INTS2: variants seen among roughly 807,000 people sequenced by gnomAD.
The protein encoded by INTS2 is integrator complex subunit 2.
In INTS2, 57 loss-of-function variants were observed where a neutral mutation model predicts 139.6. That is an observed-to-expected ratio of 0.41 (90% CI 0.33 to 0.51). INTS2 has a LOEUF of 0.51. Among genes scored for constraint, INTS2 ranks in the 20% least tolerant of loss-of-function variants. The pLI, the probability that INTS2 is intolerant of heterozygous loss-of-function variation, is 0.28. For synonymous variants in INTS2, 473 were observed against 493.4 expected, an observed-to-expected ratio of 0.96 and a Z score of 0.55; for missense variants, 1,196 against 1,436.7, an observed-to-expected ratio of 0.83 and a Z score of 2.71.
Position 61,869,425 on chromosome 17 carries a change from A to T in INTS2, c.3031-45T>A. 3 of 1,250,758 alleles carry T rather than the reference A, an allele frequency of 2.4e-6. No homozygotes were observed. The highest frequency in any genetic ancestry group is 3.4e-6 in the Non-Finnish European group (3 of 882,242). The allele number at this position is 1,250,758 out of a possible 1,614,324, so 77.5% of individuals were successfully genotyped here. ...GAAAAAAGTCAGAAATAAAATAACT[A>T]TAAAAGTACAGATAAAAATACAAAT... is the stretch of plus-strand genomic sequence containing the variant. On this transcript the variant is annotated intron_variant, in intron 21 of 24. Coordinates refer to ENST00000251334, the MANE Select transcript of INTS2 (RefSeq NM_001351695.2). This position sits in a 1 kb window ranked among gnomAD's most constrained non-coding sequence, Gnocchi z 5.4.
chr17:61,869,622 G>T lies in INTS2; in HGVS notation c.3030+115C>A. ...CTGGATTTTTCTCCATATTGCAAAA[G>T]CCCATGGATCATTTGTGTTTTCTCT... On this transcript the variant is annotated intron_variant, in intron 21 of 24. Transcript: ENST00000251334. This position sits in a 1 kb window ranked among gnomAD's most constrained non-coding sequence, Gnocchi z 5.4. 2 of 1,244,492 alleles carry T rather than the reference G, an allele frequency of 1.6e-6. No homozygotes were observed. The highest frequency in any genetic ancestry group is 2.3e-5 in the Admixed American group (1 of 42,780). The allele number at this position is 1,244,492 out of a possible 1,614,324, so 77.1% of individuals were successfully genotyped here. A position where few individuals can be genotyped will look rare whatever the true frequency, so the allele number is the denominator to read the frequency against.
At chr17:61,895,674 A>T (rs2079339993) in intron 11 of INTS2, among the ~76,000 whole-genome samples, 1 of 152,180 alleles carries the variant, frequency 6.6e-6, no homozygotes, top group Non-Finnish European at 1.5e-5. Flanking sequence ...AGGCCAAGAG[A>T]AATATGTGTG....
At chr17:61,884,519 A>G (rs2079207096) in intron 16 of INTS2, among the ~76,000 whole-genome samples, 1 of 151,960 alleles carries the variant, frequency 6.6e-6, no homozygotes, top group Admixed American at 6.6e-5. Flanking sequence ...AAACAAACAA[A>G]AGAGGTAGTG....
rs1409123990 is a variant in INTS2 at position 61,865,470 on chromosome 17, C to A, written c.*2087G>T. The A allele has an allele frequency of 6.6e-6, 1 of 152,574 alleles. No individual in the cohort carries two copies. Among genetic ancestry groups the A allele is most frequent in the Non-Finnish European group, 1.5e-5 (1 of 68,024 alleles). 9.5% of individuals were successfully genotyped at this position (152,574 alleles called of 1,614,324 possible). A position where few individuals can be genotyped will look rare whatever the true frequency, so the allele number is the denominator to read the frequency against. Reference sequence around the variant, plus strand: ...AAACACATTGTGACAAATTTTATAACCTTAACTTAAAATACATGAATATTA... The same window carrying A: ...AAACACATTGTGACAAATTTTATAAACTTAACTTAAAATACATGAATATTA... On this transcript the variant is annotated 3_prime_UTR_variant, in exon 25 of 25. Transcript: ENST00000251334. The surrounding 1 kb of genome is among the most constrained non-coding windows in gnomAD (Gnocchi z 4.8).
In INTS2 at chr17:61,882,760, T is replaced by C. The variant is rs2079188724; in HGVS notation, c.2090-1589A>G. On this transcript the variant is annotated intron_variant, in intron 16 of 24. Transcript: ENST00000251334. This position sits in a 1 kb window ranked among gnomAD's most constrained non-coding sequence, Gnocchi z 4.7. ...AATTATGACACCATAAAAATGCCTA[T>C]TTAGTTAATGAATTAACGAAGTACT... is the stretch of plus-strand genomic sequence containing the variant. 6.6e-6 allele frequency among the ~76,000 whole-genome samples: 1 copy of C among 152,182 alleles called. No homozygotes were observed. The highest frequency in any genetic ancestry group is 1.5e-5 in the Non-Finnish European group (1 of 68,040).
intron 17 of INTS2, among the ~76,000 whole-genome samples, chr17:61,878,931 C>CCAAAAA (rs1555621233): frequency 2.1e-5 from 1 of 46,656 alleles, no homozygotes; most frequent in African/African-American, 1.0e-4. Flanking sequence ...ACCCTGTCTC[C>CCAAAAA]AAAAAAAAAA....
rs1378417177 is a variant in INTS2 at position 61,876,787 on chromosome 17, G to A, written c.2456+1100C>T. Among the ~76,000 whole-genome samples the A allele has an allele frequency of 6.6e-6, 1 of 152,056 alleles. No individual in the cohort carries two copies. Among genetic ancestry groups the A allele is most frequent in the South Asian group, 2.1e-4 (1 of 4,824 alleles). On this transcript the variant is annotated intron_variant, in intron 18 of 24. Coordinates refer to ENST00000251334, the MANE Select transcript of INTS2 (RefSeq NM_001351695.2). The surrounding 1 kb of genome is among the most constrained non-coding windows in gnomAD (Gnocchi z 4.1). ...ATTATCTGATGTGTTATGATTAAGT[G>A]TGAAGTAAATTTCCCCTCAATAATG...
In INTS2 at chr17:61,868,653, T is replaced by C. The variant is rs1755142789; in HGVS notation, c.3244+381A>G. 6.6e-6 allele frequency among the ~76,000 whole-genome samples: 1 copy of C among 152,204 alleles called. No homozygotes were observed. Among genetic ancestry groups the C allele is most frequent in the South Asian group, 2.1e-4 (1 of 4,838 alleles). ...ATTTATCTTTCATTTATACATATGA[T>C]GATATTTTTCTGGAACTCTGAGCAT... On this transcript the variant is annotated intron_variant, in intron 23 of 24. Transcript: ENST00000251334. This position sits in a 1 kb window ranked among gnomAD's most constrained non-coding sequence, Gnocchi z 4.7.
intron 5 of INTS2, among the ~76,000 whole-genome samples, chr17:61,916,504 C>T (rs1156771219): frequency 6.6e-6 from 1 of 152,130 alleles, no homozygotes; most frequent in African/African-American, 2.4e-5. Flanking sequence ...CACACACCTA[C>T]AATCATCTGA....
chr17:61,924,825 G>A (rs573760100), intron 3 of INTS2, 136 bp downstream of exon 3: 18 of 805,988 alleles, frequency 2.2e-5, no homozygotes, highest in East Asian at 5.4e-5. Flanking sequence ...ATGAAACTCC[G>A]TCTCCAAAAA....
chr17:61,881,186 G>A lies in INTS2; in HGVS notation c.2090-15C>T. 6.2e-7 allele frequency: 1 copy of A among 1,602,094 alleles called. No individual in the cohort carries two copies. Among genetic ancestry groups the A allele is most frequent in the Non-Finnish European group, 8.5e-7 (1 of 1,173,382 alleles). ...TGAATGCAACCCTTGAAAATTTACA[G>A]AAAATCAATTGGATTCTTCATGCTC... is the stretch of plus-strand genomic sequence containing the variant. On this transcript the variant is annotated splice_polypyrimidine_tract_variant and intron_variant, in intron 16 of 24. Coordinates refer to ENST00000251334, the MANE Select transcript of INTS2 (RefSeq NM_001351695.2).
In INTS2 at chr17:61,875,978, G is replaced by A. The variant is rs1330358269; in HGVS notation, c.2457-940C>T. Among the ~76,000 whole-genome samples, 2 of 151,746 alleles carry A rather than the reference G, an allele frequency of 1.3e-5. No individual in the cohort carries two copies. The highest frequency in any genetic ancestry group is 2.9e-5 in the Non-Finnish European group (2 of 67,964). ...GAGCCCAGGAGTTCAAGACTAGCCT[G>A]GGCAGCATAGTGAGACACCATCTCT... On this transcript the variant is annotated intron_variant, in intron 18 of 24. Transcript: ENST00000251334. This position sits in a 1 kb window ranked among gnomAD's most constrained non-coding sequence, Gnocchi z 4.6.
chr17:61,914,660 G>A (rs1462526070), intron 5 of INTS2, among the ~76,000 whole-genome samples: 4 of 144,718 alleles, frequency 2.8e-5, no homozygotes, highest in South Asian at 2.1e-4. Context: ...CCGAGATTGC[G>A]CCACTGCATT....
At chr17:61,889,695 T>C (rs566743708) in intron 15 of INTS2, 91 bp downstream of exon 15, 12 of 627,182 alleles carry the variant, frequency 1.9e-5, no homozygotes, top group South Asian at 1.7e-4. Flanking sequence ...TATTAAAATA[T>C]TGCCCTTATC....
In INTS2 at chr17:61,876,846, T is replaced by C. The variant is rs1319744754; in HGVS notation, c.2456+1041A>G. Among the ~76,000 whole-genome samples, 1 of 152,156 alleles carries C rather than the reference T, an allele frequency of 6.6e-6. No individual in the cohort carries two copies. Among genetic ancestry groups the C allele is most frequent in the Non-Finnish European group, 1.5e-5 (1 of 68,030 alleles). On this transcript the variant is annotated intron_variant, in intron 18 of 24. Transcript: ENST00000251334. This position sits in a 1 kb window ranked among gnomAD's most constrained non-coding sequence, Gnocchi z 4.1. ...GGATGAATTAGTTATTGGTTATTGA[T>C]ACCAATTTAAAAAACTGAGCAAATA...
Position 61,881,073 on chromosome 17 carries a change from C to A in INTS2, c.2188G>T (p.Ala730Ser). The change falls in exon 17 of 25, where the codon GCC becomes TCC. Residue 730 changes from alanine (A) to serine (S), a missense_variant. Transcript: ENST00000251334. The part of the protein sequence containing the change: ...ICEEEITGTD[A>S]LLRRMLLTNN... ...GTCAGGAGCATTCGCCGTAGCAGGGCATCAGTCCCTGTGATTTCTTCTTCA... is the reference window on the plus strand; with the variant it reads ...GTCAGGAGCATTCGCCGTAGCAGGGAATCAGTCCCTGTGATTTCTTCTTCA... 1 of 1,613,650 alleles carries A rather than the reference C, an allele frequency of 6.2e-7. No individual in the cohort carries two copies. Among genetic ancestry groups the A allele is most frequent in the Non-Finnish European group, 8.5e-7 (1 of 1,179,570 alleles).
chr17:61,891,016 A>G (rs1490299229), intron 14 of INTS2, among the ~76,000 whole-genome samples: 1 of 140,490 alleles, frequency 7.1e-6, no homozygotes, highest in East Asian at 2.2e-4. Context: ...AAAAAAGGCC[A>G]GGCACAGTGA....
At chr17:61,905,036 T>G (rs1167904586) in intron 8 of INTS2, among the ~76,000 whole-genome samples, 1 of 151,776 alleles carries the variant, frequency 6.6e-6, no homozygotes, top group Non-Finnish European at 1.5e-5. Flanking sequence ...AGCTTTGACC[T>G]TCCAGGCTCA....
intron 16 of INTS2, 43 bp downstream of exon 16, chr17:61,884,858 T>C (rs2079211268): frequency 8.2e-7 from 1 of 1,214,518 alleles, no homozygotes. Context: ...AGAAAGGTTT[T>C]TTAACAATAA....
Sources: allele counts gnomAD v4.1 joint callset (sites outside exome capture counted in the v4.1 genomes callset), GRCh38; gene constraint gnomAD v4.1.1; non-coding constraint Gnocchi (gnomAD v3.1); transcripts MANE v1.5; gene names NCBI Gene and HGNC (gene_info 2026-07-23, HGNC 2026-07-21).